STAC: variants seen among roughly 807,000 people sequenced by gnomAD.
The protein encoded by STAC is SH3 and cysteine rich domain.
Under a neutral mutation model 48.8 loss-of-function variants are expected in STAC, and 43 were observed. The ratio of observed to expected loss-of-function variants is 0.88; its 90% CI spans 0.69 to 1.14. The LOEUF (loss-of-function observed/expected upper bound fraction) is 1.14. STAC is among the 50% of genes most tolerant of loss of function. The pLI is 0.00. For synonymous variants in STAC, 193 were observed against 179.5 expected (o/e 1.07, Z -0.60); for missense variants, 497 against 504.0 (o/e 0.99, Z 0.13).
chr3:36,420,674 C>G (rs891867954), intron 1 of STAC, among the ~76,000 whole-genome samples: 1 of 152,202 alleles, frequency 6.6e-6, no homozygotes, highest in East Asian at 1.9e-4. Flanking sequence ...CCTCAATCCA[C>G]GGAAAAACTG....
chr3:36,505,597 C>T, intron 7 of STAC, 149 bp from the exon 8 acceptor site: 1 of 512,448 alleles, frequency 2.0e-6, no homozygotes, highest in Non-Finnish European at 3.4e-6. Flanking sequence ...GCAAAGTTGA[C>T]AGAAAATCTT....
Position 36,443,692 on chromosome 3 carries a change from T to A in STAC, c.388+52T>A. The A allele has an allele frequency of 6.3e-7, 1 of 1,589,668 alleles. No individual in the cohort carries two copies. Among genetic ancestry groups the A allele is most frequent in the Admixed American group, 1.7e-5 (1 of 59,548 alleles). ...ATCCCAGCACCCCCGGAAAGCTGAG[T>A]GAGAGTGGTGTGCCACGGGTCCAGG... is the stretch of plus-strand genomic sequence containing the variant. On this transcript the variant is annotated intron_variant, in intron 2 of 10. Coordinates refer to ENST00000273183, the MANE Select transcript of STAC (RefSeq NM_003149.3). The surrounding 1 kb of genome is among the most constrained non-coding windows in gnomAD (Gnocchi z 4.2).
intron 8 of STAC, among the ~76,000 whole-genome samples, chr3:36,509,221 CTTT>C (rs1698476767): frequency 6.6e-6 from 1 of 152,136 alleles, no homozygotes; most frequent in African/African-American, 2.4e-5. Flanking sequence ...AAATTCTTTT[CTTT>C]AAGAATGTTG....
intron 2 of STAC, among the ~76,000 whole-genome samples, chr3:36,451,293 A>C (rs1021284046): frequency 5.3e-5 from 8 of 152,226 alleles, no homozygotes; most frequent in African/African-American, 1.9e-4. Flanking sequence ...AAAAAGTAAA[A>C]ATAAATATGG....
intron 2 of STAC, among the ~76,000 whole-genome samples, chr3:36,444,002 C>A (rs1251417804): frequency 6.6e-6 from 1 of 151,972 alleles, no homozygotes; most frequent in African/African-American, 2.4e-5. Context: ...TTGTTGCTTC[C>A]CCAAAAAAAA....
chr3:36,389,773 C>T (rs939689480), intron 1 of STAC, among the ~76,000 whole-genome samples: 57 of 152,146 alleles, frequency 3.7e-4, no homozygotes, highest in African/African-American at 1.3e-3. Context: ...AACAAGCTTT[C>T]CTGTCCCTCA....
chr3:36,407,685 G>A (rs1238355351), intron 1 of STAC, among the ~76,000 whole-genome samples: 1 of 152,216 alleles, frequency 6.6e-6, no homozygotes, highest in East Asian at 1.9e-4. Context: ...TTAGCACAAA[G>A]AAGAAGTTTA....
intron 6 of STAC, among the ~76,000 whole-genome samples, chr3:36,496,022 C>T (rs1698144988): frequency 6.6e-6 from 1 of 152,186 alleles, no homozygotes; most frequent in Non-Finnish European, 1.5e-5. Flanking sequence ...CACAATATCC[C>T]CCGTATAGAT....
chr3:36,546,584 C>G lies in STAC; in HGVS notation c.*295C>G. 1 of 465,542 alleles carries G rather than the reference C, an allele frequency of 2.1e-6. No individual in the cohort carries two copies. The allele number at this position is 465,542 out of a possible 1,614,324, so 28.8% of individuals were successfully genotyped here. The stretch of plus-strand genomic sequence containing the variant: ...AAACCACAGCTGTCCCCCAGGATCC[C>G]ACTCCTTTCCTGTCTGTGTGGTGTA... On this transcript the variant is annotated 3_prime_UTR_variant, in exon 11 of 11. Transcript: ENST00000273183.
intron 1 of STAC, among the ~76,000 whole-genome samples, chr3:36,391,732 G>A (rs1699755507): frequency 6.6e-6 from 1 of 152,182 alleles, no homozygotes; most frequent in Non-Finnish European, 1.5e-5. Flanking sequence ...TTGGCAGCAG[G>A]TAGAGAGAAG....
At chr3:36,398,324 A>C (rs201073546) in intron 1 of STAC, among the ~76,000 whole-genome samples, 29 of 95,692 alleles carry the variant, frequency 3.0e-4, no homozygotes, top group East Asian at 2.7e-3. Context: ...AGAAAGCAAG[A>C]AAGAAAGAAA....
At chr3:36,493,554 T>C (rs994437349) in intron 6 of STAC, among the ~76,000 whole-genome samples, 2 of 151,944 alleles carry the variant, frequency 1.3e-5, no homozygotes, top group East Asian at 3.9e-4. Context: ...TGTGAATACG[T>C]CATTTTCTCC....
intron 1 of STAC, among the ~76,000 whole-genome samples, chr3:36,406,242 C>A (rs1464617263): frequency 6.6e-6 from 1 of 152,174 alleles, no homozygotes; most frequent in Non-Finnish European, 1.5e-5. Context: ...CAGGTAGTTT[C>A]TGAGAGGCAC....
At chr3:36,542,553 T>G (rs969342825) in intron 10 of STAC, among the ~76,000 whole-genome samples, 1 of 152,226 alleles carries the variant, frequency 6.6e-6, no homozygotes, top group African/African-American at 2.4e-5. Context: ...TAGTCTTATT[T>G]TCCTCCTTCC....
chr3:36,492,652 AAG>A (rs1232696039), intron 5 of STAC, among the ~76,000 whole-genome samples: 4 of 152,352 alleles, frequency 2.6e-5, no homozygotes, highest in Admixed American at 6.5e-5. Context: ...TCACTTTAAA[AAG>A]AGAGTCAGGA....
intron 1 of STAC, among the ~76,000 whole-genome samples, chr3:36,430,897 A>C (rs575922275): frequency 6.6e-6 from 1 of 152,270 alleles, no homozygotes; most frequent in African/African-American, 2.4e-5. Flanking sequence ...TAATGACATC[A>C]TTTTAAACTA....
intron 2 of STAC, among the ~76,000 whole-genome samples, chr3:36,464,852 T>C (rs544860588): frequency 6.6e-6 from 1 of 152,168 alleles, no homozygotes; most frequent in South Asian, 2.1e-4. Context: ...ACACATTTTC[T>C]TTATCCACTA....
At chr3:36,412,254 A>G (rs1700211906) in intron 1 of STAC, among the ~76,000 whole-genome samples, 1 of 152,120 alleles carries the variant, frequency 6.6e-6, no homozygotes, top group African/African-American at 2.4e-5. Context: ...CATTACGCCT[A>G]TGTTCTGGAC....
At chr3:36,494,546 T>C (rs146645925) in intron 6 of STAC, among the ~76,000 whole-genome samples, 561 of 152,320 alleles carry the variant, frequency 3.7e-3, no homozygotes, top group Admixed American at 6.9e-3. Flanking sequence ...TTATGGCTCT[T>C]CTTTAGTTAG....
Sources: allele counts gnomAD v4.1 joint callset (sites outside exome capture counted in the v4.1 genomes callset), GRCh38; gene constraint gnomAD v4.1.1; non-coding constraint Gnocchi (gnomAD v3.1); transcripts MANE v1.5; gene names NCBI Gene and HGNC (gene_info 2026-07-23, HGNC 2026-07-21).